The following PCSK6 variants were observed in gnomAD, a reference collection of about 807,000 sequenced individuals.
PCSK6 encodes paired basic amino acid cleaving enzyme 4.
PCSK6 carries 85 observed loss-of-function variants against 123.3 expected under a neutral mutation model. The observed-to-expected ratio is 0.69, with a 90% CI of 0.58 to 0.83. PCSK6 has a LOEUF of 0.83. Ranked by LOEUF, PCSK6 falls within the 40% of genes least tolerant of loss-of-function variation. The probability of loss-of-function intolerance (pLI) is 0.00; values close to 1 mark genes in which losing one functional copy is unlikely to be tolerated. For synonymous variants in PCSK6, 508 were observed against 516.0 expected, an observed-to-expected ratio of 0.98 and a Z score of 0.21; for missense variants, 1,191 against 1,282.3, an observed-to-expected ratio of 0.93 and a Z score of 1.09.
chr15:101,366,308 C>A lies in PCSK6; in HGVS notation c.1746G>T (p.Gly582=), dbSNP rs763006038. 1 of 1,613,078 alleles carries A rather than the reference C, an allele frequency of 6.2e-7. No homozygotes were observed. Among genetic ancestry groups the A allele is most frequent in the South Asian group, 1.1e-5 (1 of 90,888 alleles). The change falls in exon 13 of 22, where the codon GGG becomes GGT. Residue 582 remains glycine (G), a synonymous_variant. Transcript: ENST00000611716. ...AKRLLDLSNE[G]FTNWEFMTVH... is the part of the protein sequence containing the mutation. The stretch of plus-strand genomic sequence containing the variant: ...CAGTCATGAATTCCCAGTTTGTAAA[C>A]CCTTCATTGGAAAGATCCAGCAACC...
rs754275301 is a variant in PCSK6 at position 101,331,663 on chromosome 15, T to C, written c.2065A>G (p.Ile689Val). ...TAQSTPGSAN[I>V]LQTSVCHPEC... ...GAAGCATACTTACTGGTCTGTAAAA[T>C]ATTAGCAGAGCCTGGGGTGGATTGA... Residue 689 changes from isoleucine (I) to valine (V), a missense_variant, in exon 15 of 22, where the codon ATT becomes GTT. Around this residue, in one of 3 missense-constraint regions of PCSK6, gnomAD observed 630 missense variants for 631.4 expected, o/e 1.00. Coordinates refer to ENST00000611716, the MANE Select transcript of PCSK6 (RefSeq NM_002570.5). 5.3e-5 allele frequency: 85 copies of C among 1,613,510 alleles called. No homozygotes were observed. The highest frequency in any genetic ancestry group is 1.0e-4 in the Admixed American group (6 of 59,960).
intron 1 of PCSK6, among the ~76,000 whole-genome samples, chr15:101,464,112 G>A (rs1018574104): frequency 1.3e-5 from 2 of 152,092 alleles, no homozygotes; most frequent in Non-Finnish European, 2.9e-5. Context: ...CTCCCAACAC[G>A]TAGGAGGAAA....
chr15:101,476,970 G>A lies in PCSK6; in HGVS notation c.297+12404C>T, dbSNP rs949107247. 3.9e-5 allele frequency among the ~76,000 whole-genome samples: 6 copies of A among 152,152 alleles called. No homozygotes were observed. In the East Asian group the frequency reaches 5.8e-4, roughly 15 times the overall value. ...ACCAGGGACCCAGGGCATGTGGGGC[G>A]GGGAAGCAGCGCAGTGGCAGAGCCT... On this transcript the variant is annotated intron_variant, in intron 1 of 21. Transcript: ENST00000611716.
At chr15:101,323,108 C>T (rs1444530124) in intron 17 of PCSK6, among the ~76,000 whole-genome samples, 6 of 152,228 alleles carry the variant, frequency 3.9e-5, no homozygotes, top group Admixed American at 3.9e-4. Flanking sequence ...CTCCCACCTG[C>T]AATGTCATAA....
chr15:101,451,433 A>AC (rs747445540), intron 1 of PCSK6, among the ~76,000 whole-genome samples: 172 of 151,358 alleles, frequency 1.1e-3, no homozygotes, highest in Middle Eastern at 3.4e-3. Flanking sequence ...CAAAATCCCC[A>AC]CCCCACCTCC....
At chr15:101,444,803 C>T (rs899504538) in intron 1 of PCSK6, among the ~76,000 whole-genome samples, 1 of 152,196 alleles carries the variant, frequency 6.6e-6, no homozygotes, top group Non-Finnish European at 1.5e-5. Context: ...GCCATTTAGT[C>T]TGCTATAGTC....
At chr15:101,378,846 C>T (rs2041826895) in intron 11 of PCSK6, among the ~76,000 whole-genome samples, 1 of 152,270 alleles carries the variant, frequency 6.6e-6, no homozygotes, top group South Asian at 2.1e-4. Context: ...GTCCTTTTCA[C>T]ACCATGGATG....
chr15:101,405,832 T>C (rs1337563625), intron 6 of PCSK6, among the ~76,000 whole-genome samples: 1 of 152,050 alleles, frequency 6.6e-6, no homozygotes, highest in Non-Finnish European at 1.5e-5. Flanking sequence ...CAACCTCGCC[T>C]CCCAGGTTCG....
At chr15:101,364,435 G>T (rs2041329897) in intron 13 of PCSK6, among the ~76,000 whole-genome samples, 1 of 152,068 alleles carries the variant, frequency 6.6e-6, no homozygotes, top group Non-Finnish European at 1.5e-5. Context: ...TCAGAGTTTG[G>T]TACTTAATAA....
At chr15:101,460,517 G>A (rs1464944138) in intron 1 of PCSK6, among the ~76,000 whole-genome samples, 1 of 152,228 alleles carries the variant, frequency 6.6e-6, no homozygotes, top group African/African-American at 2.4e-5. Flanking sequence ...GCCAATGGCA[G>A]TGGAAAGGGT....
chr15:101,484,819 A>C (rs932656395), intron 1 of PCSK6, among the ~76,000 whole-genome samples: 1 of 152,178 alleles, frequency 6.6e-6, no homozygotes, highest in Non-Finnish European at 1.5e-5. Flanking sequence ...ATTCATTTCT[A>C]ACCACTGTAG....
chr15:101,457,213 T>C (rs1328260993), intron 1 of PCSK6, among the ~76,000 whole-genome samples: 1 of 151,996 alleles, frequency 6.6e-6, no homozygotes, highest in Non-Finnish European at 1.5e-5. Flanking sequence ...TAAATAAAAA[T>C]CTCAACTCAG....
At chr15:101,331,320 T>C (rs2040366493) in intron 15 of PCSK6, among the ~76,000 whole-genome samples, 1 of 152,254 alleles carries the variant, frequency 6.6e-6, no homozygotes, top group Non-Finnish European at 1.5e-5. Context: ...ACATCATCTC[T>C]TGAGATCCTC....
In PCSK6 at chr15:101,357,065, T is replaced by C. The variant is rs113156047; in HGVS notation, c.1858+9131A>G. Among the ~76,000 whole-genome samples, 830 of 152,302 alleles carry C rather than the reference T, an allele frequency of 5.4e-3. 7 individuals are homozygous for C. The highest frequency in any genetic ancestry group is 0.019 in the African/African-American group (796 of 41,566). Reference sequence around the variant, plus strand: ...TTTACACAGAACACCATTGGAGCAGTTTTTTTCTTTTCATTTTCTTTTAAA... The same window carrying C: ...TTTACACAGAACACCATTGGAGCAGCTTTTTTCTTTTCATTTTCTTTTAAA... On this transcript the variant is annotated intron_variant, in intron 13 of 21. Coordinates refer to ENST00000611716, the MANE Select transcript of PCSK6 (RefSeq NM_002570.5).
chr15:101,461,849 A>G lies in PCSK6; in HGVS notation c.298-18189T>C, dbSNP rs546463200. Reference sequence around the variant, plus strand: ...GTTAAAAAGGCATTTACAAAAAACAAACAGCAAATATCAATCTTAATGTGG... The same window carrying G: ...GTTAAAAAGGCATTTACAAAAAACAGACAGCAAATATCAATCTTAATGTGG... On this transcript the variant is annotated intron_variant, in intron 1 of 21. Coordinates refer to ENST00000611716, the MANE Select transcript of PCSK6 (RefSeq NM_002570.5). 1.4e-4 allele frequency among the ~76,000 whole-genome samples: 21 copies of G among 152,314 alleles called. 2 individuals carry two copies. In the South Asian group the frequency reaches 1.5e-3, roughly 11 times the overall value.
intron 12 of PCSK6, among the ~76,000 whole-genome samples, chr15:101,367,964 A>G (rs535887249): frequency 6.6e-6 from 1 of 152,348 alleles, no homozygotes; most frequent in Non-Finnish European, 1.5e-5. Context: ...AGCTGGGATC[A>G]CAGGTGCGTG....
At chr15:101,326,594 G>A in intron 15 of PCSK6, 115 bp from the exon 16 acceptor site, 2 of 992,922 alleles carry the variant, frequency 2.0e-6, no homozygotes, top group Non-Finnish European at 3.0e-6. Context: ...GACGCTCCCA[G>A]GCCCCGCTGG....
At chr15:101,317,959 A>G (rs1372313410) in intron 19 of PCSK6, among the ~76,000 whole-genome samples, 1 of 152,158 alleles carries the variant, frequency 6.6e-6, no homozygotes, top group Non-Finnish European at 1.5e-5. Context: ...CTGCCTCTCT[A>G]AGTGCTGGGG....
rs183191897 is a variant in PCSK6, at chr15:101,367,896, C to T, written c.1722-1564G>A. 2.6e-5 allele frequency among the ~76,000 whole-genome samples: 4 copies of T among 152,336 alleles called. No homozygotes were observed. In the East Asian group the frequency reaches 7.7e-4, roughly 29 times the overall value. On this transcript the variant is annotated intron_variant, in intron 12 of 21. Coordinates refer to ENST00000611716, the MANE Select transcript of PCSK6 (RefSeq NM_002570.5). ...CTGGAGTGCAGAGGCGTGACCTCAG[C>T]TCACTGCAACCTCCGCCTCCTGGGT...
Sources: gnomAD v4.1 joint callset for allele counts (sites outside exome capture counted in the v4.1 genomes callset) on GRCh38, gnomAD v4.1.1 for gene constraint, gnomAD v4.1.1 regional missense constraint, MANE v1.5 for transcripts, NCBI Gene and HGNC (gene_info 2026-07-23, HGNC 2026-07-21) for gene names.